RNASEH1: variants seen among roughly 807,000 people sequenced by gnomAD.
The protein encoded by RNASEH1 is ribonuclease H type II.
Under a neutral mutation model 34.6 loss-of-function variants are expected in RNASEH1, and 27 were observed. The ratio of observed to expected loss-of-function variants is 0.78; its 90% confidence interval spans 0.58 to 1.08. The LOEUF (loss-of-function observed/expected upper bound fraction) is 1.08. RNASEH1 is among the 50% of genes least tolerant of loss of function. RNASEH1 has a pLI of 0.00. For missense variants in RNASEH1, 349 were observed against 373.6 expected, an observed-to-expected ratio of 0.93 and a Z score of 0.54; for synonymous variants, 162 against 138.4, an observed-to-expected ratio of 1.17 and a Z score of -1.20.
At position 3,543,101 on chromosome 2, in the gene RNASEH1, G is replaced by C. The variant is rs74676084; in HGVS notation, c.*2684C>G. On this transcript the variant is annotated 3_prime_UTR_variant, in exon 8 of 8. Transcript: ENST00000315212. Reference sequence around the variant, plus strand: ...GTATAAGCAAACTGGGACCTGACTTGAGAGTACACTTCTGTAACAAGCAGC... The same window carrying C: ...GTATAAGCAAACTGGGACCTGACTTCAGAGTACACTTCTGTAACAAGCAGC... Among the ~76,000 whole-genome samples the C allele has an allele frequency of 0.037, 5,677 of 152,232 alleles. 129 individuals carry two copies. Among genetic ancestry groups the C allele is most frequent in the South Asian group, 0.088 (426 of 4,818 alleles).
intron 3 of RNASEH1, 79 bp from the exon 4 acceptor site, chr2:3,550,551 CT>C: frequency 9.3e-7 from 1 of 1,074,380 alleles, no homozygotes; most frequent in Non-Finnish European, 1.5e-6. Context: ...ACTAGGTCGA[CT>C]TAGCATTTTA....
rs887447984 is a variant in RNASEH1 at position 3,541,743 on chromosome 2, C to T, written c.*4042G>A. Among the ~76,000 whole-genome samples, 3 of 152,212 alleles carry T rather than the reference C, an allele frequency of 2.0e-5. No individual in the cohort carries two copies. The highest frequency in any genetic ancestry group is 4.4e-5 in the Non-Finnish European group (3 of 68,044). ...GGACGGTTTAGACCGGGGTGTGAAACTGCTGTTGGTGGTGATGGACATGTT... is the reference window on the plus strand; with the variant it reads ...GGACGGTTTAGACCGGGGTGTGAAATTGCTGTTGGTGGTGATGGACATGTT... On this transcript the variant is annotated 3_prime_UTR_variant, in exon 8 of 8. Transcript: ENST00000315212.
intron 2 of RNASEH1, among the ~76,000 whole-genome samples, chr2:3,555,831 T>C (rs1426889919): frequency 6.6e-6 from 1 of 152,152 alleles, no homozygotes; most frequent in Admixed American, 6.5e-5. Context: ...TAATCTTATA[T>C]TGGGCTTTAA....
At chr2:3,548,984 A>G (rs182243715) in intron 5 of RNASEH1, 74 bp downstream of exon 5, 269 of 1,223,952 alleles carry the variant, frequency 2.2e-4, no homozygotes, top group Admixed American at 6.4e-4. Flanking sequence ...GTAGAAAAAA[A>G]AAGAATTAGT....
intron 2 of RNASEH1, among the ~76,000 whole-genome samples, chr2:3,553,492 G>A (rs1558457899): frequency 6.6e-6 from 1 of 151,708 alleles, no homozygotes; most frequent in Non-Finnish European, 1.5e-5. Context: ...CCTGGTTCAA[G>A]CAGTTCTCTG....
chr2:3,536,396 G>A, the RNASEH1 span, among the ~76,000 whole-genome samples: 1 of 150,920 alleles, frequency 6.6e-6, no homozygotes, highest in Non-Finnish European at 1.5e-5. Flanking sequence ...CTCCCCTCTG[G>A]GACCAAGCTT....
At chr2:3,547,368 G>T (rs939245392) in intron 7 of RNASEH1, among the ~76,000 whole-genome samples, 3 of 152,038 alleles carry the variant, frequency 2.0e-5, no homozygotes, top group Non-Finnish European at 4.4e-5. Context: ...GAGAAACAGA[G>T]TCTCCCCATG....
In RNASEH1 at chr2:3,542,395, T is replaced by G. The variant is rs1668377229; in HGVS notation, c.*3390A>C. 6.6e-6 allele frequency among the ~76,000 whole-genome samples: 1 copy of G among 152,240 alleles called. No homozygotes were observed. Among genetic ancestry groups the G allele is most frequent in the South Asian group, 2.1e-4 (1 of 4,838 alleles). ...GAAGAAAACAAGATTCATCAGGCTT[T>G]TCATGCATCACTTTATGCTGGAAGA... On this transcript the variant is annotated 3_prime_UTR_variant, in exon 8 of 8. Coordinates refer to ENST00000315212, the MANE Select transcript of RNASEH1 (RefSeq NM_002936.6).
At chr2:3,550,747 T>C (rs1659786714) in intron 3 of RNASEH1, among the ~76,000 whole-genome samples, 1 of 152,206 alleles carries the variant, frequency 6.6e-6, no homozygotes, top group Admixed American at 6.5e-5. Context: ...TAAAAACTAC[T>C]GTTCACATCC....
chr2:3,556,544 C>T (rs1183553379), intron 2 of RNASEH1, among the ~76,000 whole-genome samples: 1 of 152,012 alleles, frequency 6.6e-6, no homozygotes, highest in East Asian at 1.9e-4. Context: ...TAAAAAAAGA[C>T]AAGGAATTAT....
intron 7 of RNASEH1, among the ~76,000 whole-genome samples, 180 bp from the exon 8 acceptor site, chr2:3,546,051 A>G (rs1668718695): frequency 6.6e-6 from 1 of 152,258 alleles, no homozygotes; most frequent in Non-Finnish European, 1.5e-5. Context: ...CGTTTACGCA[A>G]TGGATGTGAT....
the RNASEH1 span, chr2:3,532,204 C>A: frequency 2.9e-6 from 2 of 698,868 alleles, no homozygotes; most frequent in South Asian, 3.0e-5. Context: ...AGCACCTGGT[C>A]GCAGCACTTT....
At chr2:3,555,339 A>G (rs1200665373) in intron 2 of RNASEH1, among the ~76,000 whole-genome samples, 3 of 152,148 alleles carry the variant, frequency 2.0e-5, no homozygotes, top group Non-Finnish European at 4.4e-5. Context: ...CTTGTCTCTC[A>G]GCTTATTGGC....
At chr2:3,548,789 A>C in intron 5 of RNASEH1, 65 bp from the exon 6 acceptor site, 1 of 1,199,016 alleles carries the variant, frequency 8.3e-7, no homozygotes, top group Non-Finnish European at 1.2e-6. Context: ...CTAAAGTTCA[A>C]AAGTACTTCG....
chr2:3,550,539 C>A lies in RNASEH1; in HGVS notation c.410-67G>T, dbSNP rs1238911792. On this transcript the variant is annotated intron_variant, in intron 3 of 7. Transcript: ENST00000315212. ...AAAAACTGAAATTCACCTCAAAAAT[C>A]CACTAGGTCGACTTAGCATTTTAAA... 4 of 1,197,522 alleles carry A rather than the reference C, an allele frequency of 3.3e-6. No individual in the cohort carries two copies. The African/African-American group carries it at 6.0e-5, about 18-fold the overall frequency. 74.2% of individuals were successfully genotyped at this position (1,197,522 alleles called of 1,614,324 possible). A position where few individuals can be genotyped will look rare whatever the true frequency, so the allele number is the denominator to read the frequency against.
chr2:3,550,308 T>A (rs1019930234), intron 4 of RNASEH1, 65 bp downstream of exon 4: 1 of 1,296,008 alleles, frequency 7.7e-7, no homozygotes, highest in Admixed American at 1.7e-5. Context: ...AATGAGCAGA[T>A]CCCGCCTCAT....
At chr2:3,537,128 CA>C (rs1668028045), downstream of RNASEH1, among the ~76,000 whole-genome samples, 2 of 152,296 alleles carry the variant, frequency 1.3e-5, no homozygotes, top group South Asian at 4.1e-4. Flanking sequence ...TTCTGGGTTT[CA>C]AAATGTTAGG....
chr2:3,544,547 T>C lies in RNASEH1; in HGVS notation c.*1238A>G, dbSNP rs537084439. 6.6e-6 allele frequency among the ~76,000 whole-genome samples: 1 copy of C among 152,164 alleles called. No homozygotes were observed. Among genetic ancestry groups the C allele is most frequent in the South Asian group, 2.1e-4 (1 of 4,812 alleles). ...TTTCTGTAAAAGTCAGGATTACTTG[T>C]TGGGGCAAGGAGGGGGAGAAGAAGA... On this transcript the variant is annotated 3_prime_UTR_variant, in exon 8 of 8. Coordinates refer to ENST00000315212, the MANE Select transcript of RNASEH1 (RefSeq NM_002936.6).
chr2:3,553,937 T>C (rs1235716228), intron 2 of RNASEH1, among the ~76,000 whole-genome samples: 1 of 152,082 alleles, frequency 6.6e-6, no homozygotes, highest in Non-Finnish European at 1.5e-5. Context: ...GGAGTGAAAA[T>C]AAGGACACAG....
Sources: allele counts gnomAD v4.1 joint callset (sites outside exome capture counted in the v4.1 genomes callset), GRCh38; gene constraint gnomAD v4.1.1; transcripts MANE v1.5; gene names NCBI Gene and HGNC (gene_info 2026-07-23, HGNC 2026-07-21).